CTNNA3: variants seen among roughly 807,000 people sequenced by gnomAD.
CTNNA3 encodes the protein catenin alpha 3, also known as catenin alpha-3.
CTNNA3 carries 76 observed loss-of-function variants against 95.7 expected under a neutral mutation model. The ratio of observed to expected loss-of-function variants is 0.79; its 90% CI spans 0.66 to 0.96. The LOEUF (loss-of-function observed/expected upper bound fraction) is 0.96. CTNNA3 is among the 40% of genes least tolerant of loss of function. The pLI is 0.00. For synonymous variants in CTNNA3, 431 were observed against 374.4 expected (o/e 1.15, Z -1.74); for missense variants, 1,191 against 1,089.8 (o/e 1.09, Z -1.31).
chr10:67,066,506 T>A (rs1378214797), intron 7 of CTNNA3, among the ~76,000 whole-genome samples: 1 of 143,294 alleles, frequency 7.0e-6, no homozygotes, highest in Non-Finnish European at 1.5e-5. Context: ...CCTTGCTTTT[T>A]AAGATACAGT....
chr10:67,169,484 G>A (rs147205757), intron 7 of CTNNA3, among the ~76,000 whole-genome samples: 457 of 152,162 alleles, frequency 3.0e-3, no homozygotes, highest in Middle Eastern at 0.01. Flanking sequence ...ACACATCTGC[G>A]ACCATCTGAT....
chr10:66,329,190 A>C (rs1433324373), intron 12 of CTNNA3, among the ~76,000 whole-genome samples: 1 of 151,622 alleles, frequency 6.6e-6, no homozygotes, highest in African/African-American at 2.4e-5. Flanking sequence ...ACCTCAGGTG[A>C]TACACCCACC....
intron 7 of CTNNA3, among the ~76,000 whole-genome samples, chr10:66,866,821 A>G (rs1449995699): frequency 6.6e-6 from 1 of 152,208 alleles, no homozygotes; most frequent in African/African-American, 2.4e-5. Flanking sequence ...GAAAACTAAC[A>G]TGACTGATAT....
intron 15 of CTNNA3, among the ~76,000 whole-genome samples, chr10:66,004,234 T>C (rs2078833756): frequency 6.6e-6 from 1 of 152,192 alleles, no homozygotes; most frequent in South Asian, 2.1e-4. Flanking sequence ...CAAAGAAATA[T>C]ACAGAAACAA....
intron 1 of CTNNA3, among the ~76,000 whole-genome samples, chr10:67,667,287 A>T (rs1352774256): frequency 6.6e-6 from 1 of 152,138 alleles, no homozygotes; most frequent in African/African-American, 2.4e-5. Flanking sequence ...CTTAGTGTGG[A>T]AAGACATGGA....
chr10:67,644,740 TAA>T (rs1353352051), intron 2 of CTNNA3, among the ~76,000 whole-genome samples: 17 of 152,120 alleles, frequency 1.1e-4, no homozygotes, highest in African/African-American at 4.1e-4. Context: ...AGTTATTGCA[TAA>T]GTTGATATTA....
At chr10:66,326,801 CAA>C (rs2092259817) in intron 12 of CTNNA3, among the ~76,000 whole-genome samples, 1 of 151,930 alleles carries the variant, frequency 6.6e-6, no homozygotes, top group Non-Finnish European at 1.5e-5. Context: ...TGGGGGGTAA[CAA>C]ATATATTTTA....
At chr10:67,377,745 T>C (rs1319795754) in intron 5 of CTNNA3, among the ~76,000 whole-genome samples, 1 of 152,208 alleles carries the variant, frequency 6.6e-6, no homozygotes, top group Non-Finnish European at 1.5e-5. Context: ...ATATCTACCA[T>C]CTAAAACATT....
chr10:66,202,078 A>T (rs1213873246), intron 13 of CTNNA3, among the ~76,000 whole-genome samples: 1 of 151,952 alleles, frequency 6.6e-6, no homozygotes, highest in African/African-American at 2.4e-5. Flanking sequence ...GAGCCACCAC[A>T]CCTGGCCTTG....
chr10:67,377,453 A>G (rs1283767069), intron 5 of CTNNA3, among the ~76,000 whole-genome samples: 1 of 152,128 alleles, frequency 6.6e-6, no homozygotes, highest in Non-Finnish European at 1.5e-5. Context: ...TCTATTATAA[A>G]CTTGAATTTC....
chr10:66,843,433 T>C (rs1014729814), intron 7 of CTNNA3, among the ~76,000 whole-genome samples: 1 of 152,216 alleles, frequency 6.6e-6, no homozygotes, highest in Non-Finnish European at 1.5e-5. Flanking sequence ...GAGATGTGCC[T>C]GATAAACACC....
At chr10:66,284,306 TAAGGCAG>T (rs1206866658) in intron 12 of CTNNA3, among the ~76,000 whole-genome samples, 1 of 151,952 alleles carries the variant, frequency 6.6e-6, no homozygotes, top group Non-Finnish European at 1.5e-5. Flanking sequence ...GGAAGCCCTG[TAAGGCAG>T]GAACTATTAC....
At chr10:66,222,250 T>C (rs1179552826) in intron 13 of CTNNA3, among the ~76,000 whole-genome samples, 1 of 152,144 alleles carries the variant, frequency 6.6e-6, no homozygotes, top group Admixed American at 6.5e-5. Flanking sequence ...TATTTTGCAG[T>C]AATCTTATGG....
chr10:66,763,341 C>CACAGAGAGAGAG (rs371974709), intron 9 of CTNNA3, among the ~76,000 whole-genome samples: 23 of 139,104 alleles, frequency 1.7e-4, no homozygotes, highest in Non-Finnish European at 2.8e-4. Context: ...CACACACACA[C>CACAGAGAGAGAG]AGAGAGAGAG....
chr10:67,341,990 CT>C (rs778187436), intron 5 of CTNNA3, among the ~76,000 whole-genome samples: 7 of 115,960 alleles, frequency 6.0e-5, no homozygotes, highest in East Asian at 5.2e-4. Context: ...ATTTATGTGT[CT>C]TTTTTTTGCC....
intron 15 of CTNNA3, among the ~76,000 whole-genome samples, chr10:65,998,156 C>T (rs1205322154): frequency 6.6e-6 from 1 of 152,264 alleles, no homozygotes; most frequent in Non-Finnish European, 1.5e-5. Context: ...AAGAAGTGTG[C>T]TTTTAATTTT....
At chr10:66,863,210 C>T (rs1045878397) in intron 7 of CTNNA3, among the ~76,000 whole-genome samples, 6 of 149,676 alleles carry the variant, frequency 4.0e-5, no homozygotes, top group East Asian at 3.9e-4. Flanking sequence ...CACACACACA[C>T]GCACACACAT....
intron 10 of CTNNA3, among the ~76,000 whole-genome samples, chr10:66,546,703 C>T (rs1294287779): frequency 6.6e-6 from 1 of 152,104 alleles, no homozygotes; most frequent in Non-Finnish European, 1.5e-5. Flanking sequence ...CACTCACTAT[C>T]ATGAGGACAG....
At chr10:66,109,237 G>C (rs1054992277) in intron 13 of CTNNA3, among the ~76,000 whole-genome samples, 1 of 152,166 alleles carries the variant, frequency 6.6e-6, no homozygotes, top group Non-Finnish European at 1.5e-5. Flanking sequence ...CAACCAGTGT[G>C]GGTAAATGAC....
Sources: allele counts gnomAD v4.1 joint callset (sites outside exome capture counted in the v4.1 genomes callset), GRCh38; gene constraint gnomAD v4.1.1; transcripts MANE v1.5; gene names NCBI Gene and HGNC (gene_info 2026-07-23, HGNC 2026-07-21).